CDAN1: variants seen among roughly 807,000 people sequenced by gnomAD.
The protein encoded by CDAN1 is codanin-1.
A neutral mutation model predicts 139.8 loss-of-function variants in CDAN1; 107 were observed. The ratio of observed to expected loss-of-function variants is 0.77; its 90% confidence interval spans 0.65 to 0.90. CDAN1 has a LOEUF of 0.90. Among genes scored for constraint, CDAN1 ranks in the 40% least tolerant of loss-of-function variants. The pLI, the probability that CDAN1 is intolerant of heterozygous loss-of-function variation, is 0.00. For missense variants in CDAN1, 1,667 were observed against 1,575.7 expected, an observed-to-expected ratio of 1.06 and a Z score of -0.98; for synonymous variants, 776 against 660.6, an observed-to-expected ratio of 1.17 and a Z score of -2.68.
intron 14 of CDAN1, 103 bp from the exon 15 acceptor site, chr15:42,730,318 G>C (rs1408913225): frequency 8.8e-7 from 1 of 1,133,190 alleles, no homozygotes; most frequent in Non-Finnish European, 1.3e-6. Context: ...AACTAAAAGG[G>C]ACTGGGGCCA....
In CDAN1 at chr15:42,736,584, GC is replaced by G; in HGVS notation, c.286del (p.Ala96ArgfsTer86). ...PGGPPRGSRG[A>X]RSQLFPPTEA... is the part of the protein sequence containing the mutation. ...GGTCGGAGGGAAAAGCTGGCTGCGC[GC>G]CCCGCGGCTACCCCGCGGCGGGCCT... On this transcript the variant is annotated frameshift_variant, in exon 2 of 28. Transcript: ENST00000356231. LOFTEE classifies it high-confidence loss of function. 1 of 1,491,650 alleles carries G rather than the reference GC, an allele frequency of 6.7e-7. No homozygotes were observed. 92.4% of individuals were successfully genotyped at this position (1,491,650 alleles called of 1,614,324 possible).
chr15:42,731,348 G>C lies in CDAN1; in HGVS notation c.1740-17C>G, dbSNP rs759071854. 6.2e-7 allele frequency: 1 copy of C among 1,613,188 alleles called. No homozygotes were observed. The highest frequency in any genetic ancestry group is 8.5e-7 in the Non-Finnish European group (1 of 1,180,038). Reference sequence around the variant, plus strand: ...AACTGGAAGCTGAGAAGAAGGGGTGGGTGGGGCATAAGCACTGGAAGAGGT... The same window carrying C: ...AACTGGAAGCTGAGAAGAAGGGGTGCGTGGGGCATAAGCACTGGAAGAGGT... On this transcript the variant is annotated splice_polypyrimidine_tract_variant and intron_variant, in intron 11 of 27. Transcript: ENST00000356231.
At position 42,735,540 on chromosome 15, in the gene CDAN1, C is replaced by A; in HGVS notation, c.913G>T (p.Val305Leu). ...RVSSRQRLEL[V>L]ALVYSSCIAE... is the part of the protein sequence containing the mutation. ...ATGCACGAGGAGTAAACAAGGGCTA[C>A]AAGCTCCAGGCGCTGGCGGGAAGAC... Residue 305 changes from valine (V) to leucine (L), a missense_variant, in exon 4 of 28, where the codon GTA (valine) becomes TTA (leucine). Physicochemically the swap from Val to Leu is conservative, Grantham distance 32. Coordinates refer to ENST00000356231, the MANE Select transcript of CDAN1 (RefSeq NM_138477.4). 5 of 1,614,238 alleles carry A rather than the reference C, an allele frequency of 3.1e-6. No individual in the cohort carries two copies. The highest frequency in any genetic ancestry group is 4.2e-6 in the Non-Finnish European group (5 of 1,180,046).
rs376823510 is a variant in CDAN1, at chr15:42,735,481, C to G, written c.943+29G>C. The G allele has an allele frequency of 1.1e-4, 184 of 1,612,492 alleles. No individual in the cohort carries two copies. In the African/African-American group the frequency reaches 2.1e-3, roughly 19 times the overall value. On this transcript the variant is annotated intron_variant, in intron 4 of 27. Coordinates refer to ENST00000356231, the MANE Select transcript of CDAN1 (RefSeq NM_138477.4). ...TTACCCATAAGTTCTACAAGTGTCTCCACTCCCGCTCCCTCCGCTCTCACT... is the reference window on the plus strand; with the variant it reads ...TTACCCATAAGTTCTACAAGTGTCTGCACTCCCGCTCCCTCCGCTCTCACT...
In CDAN1 at chr15:42,729,349, T is replaced by C. The variant is rs749191773; in HGVS notation, c.2421A>G (p.Lys807=). 12 of 1,614,032 alleles carry C rather than the reference T, an allele frequency of 7.4e-6. No homozygotes were observed. Among genetic ancestry groups the C allele is most frequent in the Non-Finnish European group, 1.0e-5 (12 of 1,180,032 alleles). ...TGCCTGACACCCACGAAGCGAGCAG[T>C]TTCCGGAGCTCTCCTGTATCAGTGA... ...TCCPYIGELR[K]LLASWVSGSS... is the part of the protein sequence containing the mutation. Residue 807 remains lysine (K), a synonymous_variant, in exon 18 of 28, where the codon AAA becomes AAG. Coordinates refer to ENST00000356231, the MANE Select transcript of CDAN1 (RefSeq NM_138477.4).
chr15:42,735,026 A>C, intron 6 of CDAN1, 74 bp downstream of exon 6: 1 of 1,007,358 alleles, frequency 9.9e-7, no homozygotes, highest in Middle Eastern at 2.0e-4. Context: ...AAGCACCAGC[A>C]TATATCCCAA....
Position 42,727,981 on chromosome 15 carries a change from C to T in CDAN1, c.2921G>A (p.Cys974Tyr). The change falls in exon 22 of 28, where the codon TGT (cysteine) becomes TAT (tyrosine). Residue 974 changes from cysteine (C) to tyrosine (Y), a missense_variant. Cys to Tyr is a radical substitution (Grantham distance 194). This residue lies in a region of CDAN1 where 936 missense variants were observed against 844.1 expected (regional missense o/e 1.11). Transcript: ENST00000356231. Reference protein sequence around the residue: ...IAVGLATEKACAWLSANITAL... With the variant: ...IAVGLATEKAYAWLSANITAL... ...TGTGATGTTGGCTGACAGCCAAGCA[C>T]AGGCTTTCTCTGTTGCAAGCCCCAC... 6.2e-7 allele frequency: 1 copy of T among 1,614,196 alleles called. No homozygotes were observed. Among genetic ancestry groups the T allele is most frequent in the Non-Finnish European group, 8.5e-7 (1 of 1,180,018 alleles).
Position 42,736,738 on chromosome 15 carries a change from G to C in CDAN1, c.133C>G (p.Leu45Val). 1 of 1,558,004 alleles carries C rather than the reference G, an allele frequency of 6.4e-7. No individual in the cohort carries two copies. Among genetic ancestry groups the C allele is most frequent in the Non-Finnish European group, 8.6e-7 (1 of 1,156,584 alleles). The change falls in exon 2 of 28, where the codon CTG (leucine) becomes GTG (valine). Residue 45 changes from leucine (L) to valine (V), a missense_variant. Transcript: ENST00000356231. ...AGGAACGGTACGAATTCTTTCCGCA[G>C]GGCCCGGAGTGAGCTCAGCGCGGCC... Reference protein sequence around the residue: ...EAAALSSLRALRKEFVPFLLN... With the variant: ...EAAALSSLRAVRKEFVPFLLN...
Position 42,725,221 on chromosome 15 carries a change from G to C in CDAN1, c.3481C>G (p.Leu1161Val), listed in dbSNP as rs144732096. ...CGTCCCATCAGACCCTTCTCCACCAGCTCCCGTAGCAAGAATAGCAGCAAG... is the reference window on the plus strand; with the variant it reads ...CGTCCCATCAGACCCTTCTCCACCACCTCCCGTAGCAAGAATAGCAGCAAG... ...WDLLLFLLRE[L>V]VEKGLMGRME... The change falls in exon 27 of 28, where the codon CTG (leucine) becomes GTG (valine). Residue 1161 changes from leucine to valine, a missense_variant. Coordinates refer to ENST00000356231, the MANE Select transcript of CDAN1 (RefSeq NM_138477.4). 2 of 1,614,210 alleles carry C rather than the reference G, an allele frequency of 1.2e-6. No individual in the cohort carries two copies. The highest frequency in any genetic ancestry group is 1.7e-5 in the Admixed American group (1 of 60,026).
chr15:42,728,599 A>C (rs541005975), intron 20 of CDAN1, 53 bp downstream of exon 20: 7 of 1,608,734 alleles, frequency 4.4e-6, no homozygotes, highest in Non-Finnish European at 6.0e-6. Flanking sequence ...GGAGGAAAGA[A>C]AGGACAGAGA....
At position 42,728,123 on chromosome 15, in the gene CDAN1, A is replaced by C. The variant is rs550681477; in HGVS notation, c.2868+81T>G. On this transcript the variant is annotated intron_variant, in intron 21 of 27. Transcript: ENST00000356231. ...TCGAGCACTGACCCCGCCCCCACAC[A>C]CCCTCCCGCAGCCTCAGACTACTCC... 1.8e-4 allele frequency: 281 copies of C among 1,581,262 alleles called. 5 individuals carry two copies. In the South Asian group the frequency reaches 3.0e-3, roughly 17 times the overall value.
chr15:42,736,522 G>A lies in CDAN1; in HGVS notation c.349C>T (p.Arg117Cys). Residue 117 changes from arginine (R) to cysteine (C), a missense_variant, in exon 2 of 28, where the codon CGC becomes TGC. This residue lies in a region of CDAN1 where 487 missense variants were observed against 422.2 expected (regional missense o/e 1.15). Coordinates refer to ENST00000356231, the MANE Select transcript of CDAN1 (RefSeq NM_138477.4). ...GGGCCCCGCCTCCTGCCCCCGCGGC[G>A]GGCCAGAGGGGCCTCGGCAGCGGTG... ...QSTAAEAPLA[R>C]RGGRRRGPGP... 2.1e-6 allele frequency: 3 copies of A among 1,412,480 alleles called. No homozygotes were observed. In the South Asian group the frequency reaches 4.6e-5, roughly 21 times the overall value. 87.5% of individuals were successfully genotyped at this position (1,412,480 alleles called of 1,614,324 possible). A position where few individuals can be genotyped will look rare whatever the true frequency, so the allele number is the denominator to read the frequency against.
rs774649820 is a variant in CDAN1 at position 42,725,635 on chromosome 15, G to C, written c.3304C>G (p.Gln1102Glu). 18 of 1,613,932 alleles carry C rather than the reference G, an allele frequency of 1.1e-5. No homozygotes were observed. The Admixed American group carries it at 2.8e-4, about 25-fold the overall frequency. ...DQIPILGPPA[Q>E]YRLERGQARR... ...GCCTGCCCTCTCTCCAGCCTGTACT[G>C]TGCCGGGGGCCCTAGGATAGGAATT... Residue 1102 changes from glutamine (Q) to glutamate (E), a missense_variant, in exon 26 of 28, where the codon CAG becomes GAG. Coordinates refer to ENST00000356231, the MANE Select transcript of CDAN1 (RefSeq NM_138477.4).
rs1399880689 is a variant in CDAN1, at chr15:42,737,082, C to G, written c.21G>C (p.Ser7=). The change falls in exon 1 of 28, where the codon TCG becomes TCC. Residue 7 remains serine (S), a synonymous_variant. Coordinates refer to ENST00000356231, the MANE Select transcript of CDAN1 (RefSeq NM_138477.4). ...CGACCGACACCTCTTCTCGCAGCAG[C>G]GACTCCAAAACGGCCGCCATCCCGG... The part of the protein sequence containing the change: MAAVLE[S]LLREEVSVAA... The G allele has an allele frequency of 4.6e-6, 7 of 1,530,950 alleles. No individual in the cohort carries two copies. The South Asian group carries it at 7.3e-5, about 16-fold the overall frequency. The allele number at this position is 1,530,950 out of a possible 1,614,324, so 94.8% of individuals were successfully genotyped here.
chr15:42,734,962 A>AAATT, intron 6 of CDAN1, 138 bp downstream of exon 6: 4 of 724,174 alleles, frequency 5.5e-6, no homozygotes, highest in Non-Finnish European at 1.0e-5. Context: ...CCTTAACACA[A>AAATT]AATTAAAGAA....
rs747910800 is a variant in CDAN1 at position 42,728,050 on chromosome 15, CAG to C, written c.2869-19_2869-18del. 2 of 1,613,360 alleles carry C rather than the reference CAG, an allele frequency of 1.2e-6. No individual in the cohort carries two copies. The highest frequency in any genetic ancestry group is 1.7e-6 in the Non-Finnish European group (2 of 1,179,438). On this transcript the variant is annotated intron_variant, in intron 21 of 27. Coordinates refer to ENST00000356231, the MANE Select transcript of CDAN1 (RefSeq NM_138477.4). ...GCTCAGAACCTGCGAAACAGAACTA[CAG>C]AGTCAGGGGCTAGGGGAGGGCTGGG...
At position 42,732,939 on chromosome 15, in the gene CDAN1, C is replaced by T. The variant is rs141055489; in HGVS notation, c.1457+158G>A. On this transcript the variant is annotated intron_variant, in intron 9 of 27. Transcript: ENST00000356231. ...GAGACACATCCCTTTCGAATAGAGGCAGAGTTATCAATAACTAAAGAGATT... is the reference window on the plus strand; with the variant it reads ...GAGACACATCCCTTTCGAATAGAGGTAGAGTTATCAATAACTAAAGAGATT... Among the ~76,000 whole-genome samples the T allele has an allele frequency of 4.7e-3, 710 of 152,288 alleles. 10 individuals are homozygous for T. The highest frequency in any genetic ancestry group is 0.016 in the African/African-American group (672 of 41,546).
Position 42,724,099 on chromosome 15 carries a change from A to C in CDAN1, c.*392T>G. Reference sequence around the variant, plus strand: ...AGATTCATGTTTTAACTTTCTTCATAAGTTAAGCAGGAGTCATTTGCCTCT... The same window carrying C: ...AGATTCATGTTTTAACTTTCTTCATCAGTTAAGCAGGAGTCATTTGCCTCT... On this transcript the variant is annotated 3_prime_UTR_variant, in exon 28 of 28. Coordinates refer to ENST00000356231, the MANE Select transcript of CDAN1 (RefSeq NM_138477.4). 1 of 294,684 alleles carries C rather than the reference A, an allele frequency of 3.4e-6. No individual in the cohort carries two copies. The highest frequency in any genetic ancestry group is 4.7e-5 in the Admixed American group (1 of 21,142). The allele number at this position is 294,684 out of a possible 1,614,324, so 18.3% of individuals were successfully genotyped here.
rs1359485704 is a variant in CDAN1, at chr15:42,735,129, AAAG to A, written c.1104_1106del (p.Phe369del). Reference sequence around the variant, plus strand: ...AGTGACACTCCAAAACCTGCACTGCAAAGAAGACACAATCGTGGATGCTTTGGA... The same window carrying A: ...AGTGACACTCCAAAACCTGCACTGCAAAGACACAATCGTGGATGCTTTGGA... On this transcript the variant is annotated inframe_deletion, in exon 6 of 28. Coordinates refer to ENST00000356231, the MANE Select transcript of CDAN1 (RefSeq NM_138477.4). The A allele has an allele frequency of 1.4e-5, 23 of 1,614,048 alleles. No homozygotes were observed. The highest frequency in any genetic ancestry group is 1.7e-5 in the Non-Finnish European group (20 of 1,179,896).
Sources: gnomAD v4.1 joint callset for allele counts (sites outside exome capture counted in the v4.1 genomes callset) on GRCh38, gnomAD v4.1.1 for gene constraint, gnomAD v4.1.1 regional missense constraint, MANE v1.5 for transcripts, NCBI Gene and HGNC (gene_info 2026-07-23, HGNC 2026-07-21) for gene names.